The following TENM1 variants were observed in gnomAD, a reference collection of about 807,000 sequenced individuals.
The protein encoded by TENM1 is teneurin transmembrane protein 1.
Under a neutral mutation model 174.8 loss-of-function variants are expected in TENM1, and 35 were observed. The ratio of observed to expected loss-of-function variants is 0.20; its 90% CI spans 0.15 to 0.27. The LOEUF (loss-of-function observed/expected upper bound fraction) is 0.27, where lower values mean the gene tolerates loss of function less well. Among genes scored for constraint, TENM1 ranks in the 10% least tolerant of loss-of-function variants. The probability of loss-of-function intolerance (pLI) is 1.00; values close to 1 mark genes in which losing one functional copy is unlikely to be tolerated. For synonymous variants in TENM1, 781 were observed against 798.7 expected (o/e 0.98, Z 0.37); for missense variants, 1,633 against 2,130.1 (o/e 0.77, Z 4.59).
At chrX:125,056,744 T>C in the TENM1 span, among the ~76,000 whole-genome samples, 1 of 112,017 alleles carries the variant, frequency 8.9e-6, no homozygotes, top group African/African-American at 3.2e-5. Context: ...TAATTGATTC[T>C]GTCACCCTTG....
chrX:124,853,264 T>A (rs930018671), intron 3 of TENM1, among the ~76,000 whole-genome samples: 1 of 111,399 alleles, frequency 9.0e-6, no homozygotes, highest in Non-Finnish European at 1.9e-5. Context: ...TTAAATAATG[T>A]GATCATGGAA....
chrX:124,642,455 A>T (rs2051043239), intron 10 of TENM1, among the ~76,000 whole-genome samples: 1 of 112,743 alleles, frequency 8.9e-6, no homozygotes, highest in African/African-American at 3.2e-5. Context: ...AATTTGGATT[A>T]TTCAAGGTAT....
intron 1 of TENM1, among the ~76,000 whole-genome samples, chrX:124,932,951 A>G (rs16998141): frequency 0.1 from 11,129 of 111,606 alleles, 1,307 homozygotes; most frequent in African/African-American, 0.34. Flanking sequence ...TAAGATCACA[A>G]TCAGTACTGG....
At chrX:124,895,013 T>C (rs1224672723) in intron 2 of TENM1, among the ~76,000 whole-genome samples, 1 of 111,786 alleles carries the variant, frequency 8.9e-6, no homozygotes, top group African/African-American at 3.3e-5. Flanking sequence ...TGTAAAGTGT[T>C]ATGGTCTACT....
At chrX:124,852,595 G>A (rs2056742441) in intron 3 of TENM1, among the ~76,000 whole-genome samples, 1 of 110,854 alleles carries the variant, frequency 9.0e-6, no homozygotes, top group African/African-American at 3.3e-5. Context: ...ATTAATGCTG[G>A]TTGTGTTGAG....
At chrX:124,630,587 A>G (rs959724636) in intron 11 of TENM1, among the ~76,000 whole-genome samples, 2 of 111,958 alleles carry the variant, frequency 1.8e-5, no homozygotes, top group Admixed American at 1.9e-4. Flanking sequence ...TGAGACCCAT[A>G]GTGGTTCACG....
chrX:125,078,683 T>A, the TENM1 span, among the ~76,000 whole-genome samples: 1 of 111,491 alleles, frequency 9.0e-6, no homozygotes, highest in Non-Finnish European at 1.9e-5. Context: ...ATAGTGATGA[T>A]GGCAAACAAT....
intron 18 of TENM1, among the ~76,000 whole-genome samples, chrX:124,518,033 A>T (rs1486740486): frequency 9.1e-6 from 1 of 110,382 alleles, no homozygotes; most frequent in African/African-American, 3.3e-5. Flanking sequence ...GAATTAAGGC[A>T]TGGGCAGAGT....
intron 22 of TENM1, among the ~76,000 whole-genome samples, chrX:124,469,505 T>C (rs1483401904): frequency 2.7e-5 from 3 of 111,487 alleles, no homozygotes; most frequent in Non-Finnish European, 5.6e-5. Context: ...TTTTAACTAC[T>C]GCAAACACTT....
At chrX:124,668,108 GT>G (rs1054840166) in intron 6 of TENM1, among the ~76,000 whole-genome samples, 1 of 111,110 alleles carries the variant, frequency 9.0e-6, no homozygotes, top group Non-Finnish European at 1.9e-5. Context: ...TGATGGGGTT[GT>G]TTGTTTTTTT....
the TENM1 span, among the ~76,000 whole-genome samples, chrX:125,076,332 T>C: frequency 9.6e-6 from 1 of 104,591 alleles, no homozygotes; most frequent in South Asian, 4.1e-4. Context: ...AAATATATTA[T>C]GTATTGTCTT....
At chrX:124,707,193 G>C (rs2052928505) in intron 4 of TENM1, among the ~76,000 whole-genome samples, 1 of 111,081 alleles carries the variant, frequency 9.0e-6, no homozygotes, top group Admixed American at 9.6e-5. Context: ...AGTAGAGACG[G>C]GGTTTCACCA....
At chrX:124,665,241 G>A (rs1160162794) in intron 6 of TENM1, among the ~76,000 whole-genome samples, 2 of 111,745 alleles carry the variant, frequency 1.8e-5, no homozygotes, top group Non-Finnish European at 3.8e-5. Context: ...TCGGGAGGCT[G>A]AGGCAGGAGA....
chrX:125,169,547 G>C, the TENM1 span, among the ~76,000 whole-genome samples: 1 of 111,272 alleles, frequency 9.0e-6, no homozygotes, highest in Admixed American at 9.6e-5. Flanking sequence ...CTGACCATCA[G>C]ATACATTTAA....
intron 19 of TENM1, among the ~76,000 whole-genome samples, chrX:124,499,884 C>A (rs957917700): frequency 1.8e-5 from 2 of 112,069 alleles, no homozygotes; most frequent in South Asian, 7.4e-4. Context: ...ATTCAAAAAT[C>A]TTTCCAATTA....
chrX:124,454,978 T>G (rs2061088708), intron 22 of TENM1, among the ~76,000 whole-genome samples: 1 of 112,012 alleles, frequency 8.9e-6, no homozygotes, highest in Non-Finnish European at 1.9e-5. Context: ...CACACATGAA[T>G]TTTCTGGCAA....
At chrX:124,531,075 T>C in intron 15 of TENM1, among the ~76,000 whole-genome samples, 1 of 108,191 alleles carries the variant, frequency 9.2e-6, no homozygotes, top group Non-Finnish European at 1.9e-5. Flanking sequence ...GCTGGCAGGG[T>C]TGAGGAAGGT....
intron 22 of TENM1, among the ~76,000 whole-genome samples, chrX:124,478,683 T>A (rs751981453): frequency 3.8e-4 from 43 of 112,077 alleles, no homozygotes; most frequent in African/African-American, 1.3e-3. Context: ...CATTTCCATT[T>A]TCTACTGATC....
At chrX:124,878,052 G>A (rs1475090262) in intron 3 of TENM1, among the ~76,000 whole-genome samples, 1 of 111,385 alleles carries the variant, frequency 9.0e-6, no homozygotes, top group Non-Finnish European at 1.9e-5. Flanking sequence ...TGATCTTGCT[G>A]TCTCAGGGAT....
Sources: allele counts gnomAD v4.1 joint callset (sites outside exome capture counted in the v4.1 genomes callset), GRCh38; gene constraint gnomAD v4.1.1; transcripts MANE v1.5; gene names NCBI Gene and HGNC (gene_info 2026-07-23, HGNC 2026-07-21).